NCKAP5L: variants seen among roughly 807,000 people sequenced by gnomAD.
NCKAP5L encodes NCK associated protein 5 like.
A neutral mutation model predicts 103.2 loss-of-function variants in NCKAP5L; 54 were observed. The ratio of observed to expected loss-of-function variants is 0.52; its 90% CI spans 0.42 to 0.66. NCKAP5L has a LOEUF of 0.66. Among genes scored for constraint, NCKAP5L ranks in the 30% least tolerant of loss-of-function variants. The pLI is 0.00. For missense variants in NCKAP5L, 1,733 were observed against 1,750.6 expected, an observed-to-expected ratio of 0.99 and a Z score of 0.18; for synonymous variants, 762 against 748.6, an observed-to-expected ratio of 1.02 and a Z score of -0.29.
Position 49,792,787 on chromosome 12 carries a change from C to A in NCKAP5L, c.3540G>T (p.Val1180=), listed in dbSNP as rs746533115. 3 of 1,606,154 alleles carry A rather than the reference C, an allele frequency of 1.9e-6. No individual in the cohort carries two copies. Among genetic ancestry groups the A allele is most frequent in the Non-Finnish European group, 2.5e-6 (3 of 1,177,852 alleles). ...TCACCAGCAGCTCCTCTATGCCTGG[C>A]ACCTCCCGCTCCAGTGTGTGGGCGC... The part of the protein sequence containing the change: ...PRRAHTLERE[V]PGIEELLVSG... Residue 1180 remains valine, a synonymous_variant, in exon 11 of 13, where the codon GTG becomes GTT. Coordinates refer to ENST00000335999, the MANE Select transcript of NCKAP5L (RefSeq NM_001037806.4). This position sits in a 1 kb window ranked among gnomAD's most constrained non-coding sequence, Gnocchi z 4.5.
intron 1 of NCKAP5L, among the ~76,000 whole-genome samples, chr12:49,814,819 G>A (rs563211168): frequency 6.6e-6 from 1 of 152,308 alleles, no homozygotes; most frequent in South Asian, 2.1e-4. Flanking sequence ...GGATTCCACA[G>A]GGTACTTGGT....
intron 1 of NCKAP5L, among the ~76,000 whole-genome samples, chr12:49,809,899 T>C (rs1378647988): frequency 2.6e-5 from 4 of 152,060 alleles, no homozygotes; most frequent in Non-Finnish European, 4.4e-5. Context: ...GGAGACACAA[T>C]AGCCCTTCTG....
chr12:49,794,924 C>G lies in NCKAP5L; in HGVS notation c.2936G>C (p.Arg979Pro). 9.6e-6 allele frequency: 15 copies of G among 1,556,106 alleles called. No individual in the cohort carries two copies. The highest frequency in any genetic ancestry group is 1.3e-5 in the Non-Finnish European group (15 of 1,151,702). The change falls in exon 8 of 13, where the codon CGT becomes CCT. Residue 979 changes from arginine (R) to proline (P), a missense_variant. Physicochemically the swap from Arg to Pro is moderately radical, Grantham distance 103 (BLOSUM62 -2). Transcript: ENST00000335999. ...GGCCTTCTCCTCTTCCAGTGCCCGA[C>G]GCAGGTCTTCCGCCTTGGCCATCAG... ...SKLMAKAEDLRRALEEEKAYL... is the reference protein window; with the variant it reads ...SKLMAKAEDLPRALEEEKAYL...
chr12:49,795,331 G>A lies in NCKAP5L; in HGVS notation c.2529C>T (p.Asp843=). 1 of 1,531,788 alleles carries A rather than the reference G, an allele frequency of 6.5e-7. No homozygotes were observed. The highest frequency in any genetic ancestry group is 1.4e-5 in the African/African-American group (1 of 72,082). 94.9% of individuals were successfully genotyped at this position (1,531,788 alleles called of 1,614,324 possible). A position where few individuals can be genotyped will look rare whatever the true frequency, so the allele number is the denominator to read the frequency against. The change falls in exon 8 of 13, where the codon GAC becomes GAT. Residue 843 remains aspartate (D), a synonymous_variant. Transcript: ENST00000335999. ...CTGCCCAGGGAGGGCCCTTCCCTTT[G>A]TCAGGCTTGGGGGACTCCTTGGTGA... ...PLVTKESPKP[D]KGKGPPWADC...
Position 49,792,569 on chromosome 12 carries a change from G to A in NCKAP5L, c.3669C>T (p.Gly1223=), listed in dbSNP as rs1565583553. ...TCPDDPCEDP[G]PTPPVQLAKN... ...TGGCCAGCTGGACAGGAGGGGTGGG[G>A]CCTGGGTCTTCACAGGGATCTGTCC... is the stretch of plus-strand genomic sequence containing the variant. The change falls in exon 12 of 13, where the codon GGC becomes GGT. Residue 1223 remains glycine (G), a synonymous_variant. Transcript: ENST00000335999. The surrounding 1 kb of genome is among the most constrained non-coding windows in gnomAD (Gnocchi z 4.5). The A allele has an allele frequency of 6.2e-7, 1 of 1,613,880 alleles. No homozygotes were observed. Among genetic ancestry groups the A allele is most frequent in the Non-Finnish European group, 8.5e-7 (1 of 1,179,832 alleles).
intron 1 of NCKAP5L, among the ~76,000 whole-genome samples, chr12:49,815,935 A>C (rs1188832022): frequency 3.3e-5 from 5 of 152,068 alleles, no homozygotes; most frequent in Admixed American, 6.6e-5. Flanking sequence ...TCCCACTTCA[A>C]ATCTTCCCAC....
chr12:49,801,733 G>T, intron 6 of NCKAP5L, 115 bp downstream of exon 6: 1 of 1,311,640 alleles, frequency 7.6e-7, no homozygotes. Context: ...AGAATGGAAG[G>T]TGGACAGCTG....
At chr12:49,810,379 T>G (rs1946226799) in intron 1 of NCKAP5L, among the ~76,000 whole-genome samples, 1 of 152,176 alleles carries the variant, frequency 6.6e-6, no homozygotes, top group Non-Finnish European at 1.5e-5. Flanking sequence ...GGAGTCCAGT[T>G]CGAACTCTGC....
chr12:49,821,068 A>C (rs1250931294), intron 1 of NCKAP5L, among the ~76,000 whole-genome samples: 1 of 152,156 alleles, frequency 6.6e-6, no homozygotes, highest in Non-Finnish European at 1.5e-5. Context: ...GGAGCTCGGC[A>C]GGGCCTTCAG....
chr12:49,823,587 C>T (rs1210552495), intron 1 of NCKAP5L, among the ~76,000 whole-genome samples: 1 of 152,026 alleles, frequency 6.6e-6, no homozygotes, highest in Non-Finnish European at 1.5e-5. Context: ...CACTCAAGCC[C>T]TGCAGGCAAC....
intron 1 of NCKAP5L, among the ~76,000 whole-genome samples, chr12:49,810,554 C>A (rs7313563): frequency 0.37 from 56,259 of 151,754 alleles, 10,733 homozygotes; most frequent in South Asian, 0.46. Context: ...TTTCCTAATA[C>A]TACTACTAAG....
chr12:49,799,478 TA>T (rs918495869), intron 6 of NCKAP5L, among the ~76,000 whole-genome samples: 4 of 151,516 alleles, frequency 2.6e-5, no homozygotes, highest in African/African-American at 4.9e-5. Flanking sequence ...CCTGGCTAAT[TA>T]AAAAAAAATT....
chr12:49,820,951 G>A (rs1018611750), intron 1 of NCKAP5L, among the ~76,000 whole-genome samples: 3 of 152,164 alleles, frequency 2.0e-5, no homozygotes, highest in African/African-American at 7.2e-5. Context: ...TGAGCCCTCT[G>A]ACTCTGACTC....
rs1163100598 is a variant in NCKAP5L at position 49,794,952 on chromosome 12, T to C, written c.2908A>G (p.Lys970Glu). 2 of 1,584,588 alleles carry C rather than the reference T, an allele frequency of 1.3e-6. No individual in the cohort carries two copies. The highest frequency in any genetic ancestry group is 2.3e-5 in the South Asian group (2 of 87,698). ...KLEAESLNIS[K>E]LMAKAEDLRR... is the part of the protein sequence containing the mutation. The stretch of plus-strand genomic sequence containing the variant: ...AGGTCTTCCGCCTTGGCCATCAGCT[T>C]GGAGATGTTGAGGCTCTCGGCCTCC... The change falls in exon 8 of 13, where the codon AAG becomes GAG. Residue 970 changes from lysine (K) to glutamate (E), a missense_variant. Transcript: ENST00000335999.
At chr12:49,812,009 G>T (rs537276034) in intron 1 of NCKAP5L, among the ~76,000 whole-genome samples, 2 of 152,244 alleles carry the variant, frequency 1.3e-5, no homozygotes, top group Admixed American at 1.3e-4. Flanking sequence ...TAAGACCTCT[G>T]TGACCACTTC....
intron 1 of NCKAP5L, among the ~76,000 whole-genome samples, chr12:49,817,428 C>T (rs924316441): frequency 3.4e-4 from 52 of 152,118 alleles, no homozygotes; most frequent in African/African-American, 1.1e-3. Context: ...AGGAATTGAA[C>T]CTACCCCTGA....
intron 1 of NCKAP5L, among the ~76,000 whole-genome samples, chr12:49,825,736 G>A (rs1165666249): frequency 6.6e-6 from 1 of 152,124 alleles, no homozygotes; most frequent in African/African-American, 2.4e-5. Flanking sequence ...AGGCAGCAGG[G>A]CCCAGGGCAG....
chr12:49,802,903 A>T, intron 5 of NCKAP5L, 55 bp downstream of exon 5: 1 of 1,565,072 alleles, frequency 6.4e-7, no homozygotes, highest in African/African-American at 1.4e-5. Flanking sequence ...AGTCTCCAGG[A>T]AGGGTCTCAT....
At position 49,795,060 on chromosome 12, in the gene NCKAP5L, G is replaced by A. The variant is rs755742766; in HGVS notation, c.2800C>T (p.Arg934Cys). The A allele has an allele frequency of 1.2e-5, 20 of 1,610,954 alleles. No individual in the cohort carries two copies. The highest frequency in any genetic ancestry group is 1.7e-4 in the Middle Eastern group (1 of 6,050). ...KKSKLPALNR[R>C]TEATKNKEGA... is the part of the protein sequence containing the mutation. The stretch of plus-strand genomic sequence containing the variant: ...TCCTTGTTCTTGGTGGCCTCTGTGC[G>A]GCGGTTCAGCGCTGGCAGCTTGCTC... The change falls in exon 8 of 13, where the codon CGC becomes TGC. Residue 934 changes from arginine (R) to cysteine (C), a missense_variant. Transcript: ENST00000335999.
Sources: gnomAD v4.1 joint callset for allele counts (sites outside exome capture counted in the v4.1 genomes callset) on GRCh38, gnomAD v4.1.1 for gene constraint, Gnocchi (gnomAD v3.1) non-coding constraint, MANE v1.5 for transcripts, NCBI Gene and HGNC (gene_info 2026-07-23, HGNC 2026-07-21) for gene names.